Variants in SSH2 observed in about 807,000 individuals in gnomAD.
The protein encoded by SSH2 is slingshot protein phosphatase 2, also known as protein phosphatase Slingshot homolog 2.
A neutral mutation model predicts 135.2 loss-of-function variants in SSH2; 37 were observed. The ratio of observed to expected loss-of-function variants is 0.27; its 90% CI spans 0.21 to 0.36. The LOEUF (loss-of-function observed/expected upper bound fraction) is 0.36, where lower values mean the gene tolerates loss of function less well. SSH2 is among the 10% of genes least tolerant of loss of function. SSH2 has a pLI of 1.00. For synonymous variants in SSH2, 628 were observed against 646.2 expected, an observed-to-expected ratio of 0.97 and a Z score of 0.43; for missense variants, 1,408 against 1,765.3, an observed-to-expected ratio of 0.80 and a Z score of 3.63.
At chr17:29,763,629 G>C (rs1295550179) in intron 3 of SSH2, among the ~76,000 whole-genome samples, 1 of 152,008 alleles carries the variant, frequency 6.6e-6, no homozygotes, top group Non-Finnish European at 1.5e-5. Flanking sequence ...TGATGGCATG[G>C]TAATCATCTG....
chr17:29,657,704 GAGACTACAGGTGGGC>G (rs1356459765), intron 11 of SSH2, among the ~76,000 whole-genome samples: 3 of 148,602 alleles, frequency 2.0e-5, no homozygotes, highest in Non-Finnish European at 3.0e-5. Flanking sequence ...CCGAGTAGCT[GAGACTACAGGTGGGC>G]AGCACCATGC....
chr17:29,864,796 G>A (rs2065826927), intron 1 of SSH2, among the ~76,000 whole-genome samples: 2 of 152,104 alleles, frequency 1.3e-5, no homozygotes, highest in African/African-American at 4.8e-5. Context: ...CCTCTAAGCA[G>A]TGATTCTCAG....
At chr17:29,852,717 A>AT (rs1245514900) in intron 1 of SSH2, among the ~76,000 whole-genome samples, 16 of 151,622 alleles carry the variant, frequency 1.1e-4, no homozygotes, top group Non-Finnish European at 2.1e-4. Flanking sequence ...ACGCCGGCTA[A>AT]TTTTTTGTAT....
chr17:29,817,485 A>C (rs539975016), intron 2 of SSH2, among the ~76,000 whole-genome samples: 1 of 152,210 alleles, frequency 6.6e-6, no homozygotes, highest in Non-Finnish European at 1.5e-5. Context: ...TGCCATCCTC[A>C]GGGAGTCATA....
chr17:29,811,899 A>G (rs1191074145), intron 2 of SSH2, among the ~76,000 whole-genome samples: 1 of 152,190 alleles, frequency 6.6e-6, no homozygotes, highest in African/African-American at 2.4e-5. Flanking sequence ...GAATTTGTAT[A>G]ATCTCAAGTA....
chr17:29,646,205 C>T (rs2150991159), intron 14 of SSH2, among the ~76,000 whole-genome samples: 1 of 152,310 alleles, frequency 6.6e-6, no homozygotes, highest in African/African-American at 2.4e-5. Flanking sequence ...CTGAAGGTGG[C>T]TTTAACCACC....
At chr17:29,745,411 C>T (rs2040727702) in intron 3 of SSH2, among the ~76,000 whole-genome samples, 1 of 152,164 alleles carries the variant, frequency 6.6e-6, no homozygotes, top group African/African-American at 2.4e-5. Context: ...CCGCCTGCCT[C>T]GGCCTCTGAA....
intron 4 of SSH2, among the ~76,000 whole-genome samples, chr17:29,696,622 T>TACACAC (rs36052713): frequency 5.5e-4 from 28 of 51,344 alleles, no homozygotes; most frequent in Admixed American, 1.9e-3. Context: ...CATATATATA[T>TACACAC]ACACACACAC....
intron 3 of SSH2, among the ~76,000 whole-genome samples, chr17:29,747,902 CAG>C (rs2040813910): frequency 6.6e-6 from 1 of 152,170 alleles, no homozygotes; most frequent in Non-Finnish European, 1.5e-5. Context: ...CTCTTGGAAA[CAG>C]AGACTGACAA....
At chr17:29,760,837 A>T (rs1224159086) in intron 3 of SSH2, among the ~76,000 whole-genome samples, 1 of 152,076 alleles carries the variant, frequency 6.6e-6, no homozygotes, top group African/African-American at 2.4e-5. Context: ...AGTGCCAAAC[A>T]GCTCAGCTGT....
chr17:29,695,111 C>G (rs1167104222), intron 5 of SSH2, among the ~76,000 whole-genome samples: 1 of 152,140 alleles, frequency 6.6e-6, no homozygotes, highest in Non-Finnish European at 1.5e-5. Context: ...TGTGTTTTTG[C>G]TTGTTAAGTC....
At position 29,663,942 on chromosome 17, in the gene SSH2, T is replaced by C. The variant is rs547906927; in HGVS notation, c.1032+2925A>G. 4.6e-5 allele frequency among the ~76,000 whole-genome samples: 7 copies of C among 152,320 alleles called. No individual in the cohort carries two copies. The South Asian group carries it at 1.2e-3, about 27-fold the overall frequency. On this transcript the variant is annotated intron_variant, in intron 11 of 15. Transcript: ENST00000540801. ...GACAATGGGGGAAACTATGCATGTG[T>C]TGGGATAAGTTGTATATGGGAAATC...
intron 1 of SSH2, among the ~76,000 whole-genome samples, chr17:29,855,072 A>G (rs914825663): frequency 6.6e-6 from 1 of 152,152 alleles, no homozygotes; most frequent in African/African-American, 2.4e-5. Flanking sequence ...AGAGGCAGAG[A>G]ACATTTACTA....
chr17:29,889,637 C>T (rs2066309964), intron 1 of SSH2, among the ~76,000 whole-genome samples: 2 of 151,802 alleles, frequency 1.3e-5, no homozygotes, highest in Admixed American at 6.6e-5. Flanking sequence ...AGAAAAAAGA[C>T]AACCCAGAGA....
intron 3 of SSH2, among the ~76,000 whole-genome samples, chr17:29,788,922 G>T (rs1254037042): frequency 2.6e-5 from 4 of 152,168 alleles, no homozygotes; most frequent in Admixed American, 1.3e-4. Flanking sequence ...AATACATAAA[G>T]AACCACGAAC....
At chr17:29,825,136 G>T (rs1017232530) in intron 2 of SSH2, among the ~76,000 whole-genome samples, 5 of 151,900 alleles carry the variant, frequency 3.3e-5, no homozygotes, top group Non-Finnish European at 7.4e-5. Flanking sequence ...ATTTTCCTAC[G>T]GACAGTTTCT....
At chr17:29,642,660 A>C (rs2036212186) in intron 14 of SSH2, among the ~76,000 whole-genome samples, 1 of 152,076 alleles carries the variant, frequency 6.6e-6, no homozygotes, top group Non-Finnish European at 1.5e-5. Context: ...TAGCTTTATG[A>C]TACCCTTCTT....
chr17:29,763,972 A>G (rs920498765), intron 3 of SSH2, among the ~76,000 whole-genome samples: 5 of 149,098 alleles, frequency 3.4e-5, no homozygotes, highest in African/African-American at 9.9e-5. Flanking sequence ...TCCCTGAGAC[A>G]GAGTTTCACT....
chr17:29,884,894 C>G (rs2066205549), intron 1 of SSH2, among the ~76,000 whole-genome samples: 1 of 152,182 alleles, frequency 6.6e-6, no homozygotes, highest in Non-Finnish European at 1.5e-5. Context: ...GACCTTACAT[C>G]TCTACATAAA....
Sources: gnomAD v4.1 joint callset for allele counts (sites outside exome capture counted in the v4.1 genomes callset) on GRCh38, gnomAD v4.1.1 for gene constraint, MANE v1.5 for transcripts, NCBI Gene and HGNC (gene_info 2026-07-23, HGNC 2026-07-21) for gene names.